The following LAMA3 variants were observed in gnomAD, a reference collection of about 807,000 sequenced individuals.
LAMA3 encodes the protein laminin subunit alpha 3.
LAMA3 carries 281 observed loss-of-function variants against 402.0 expected under a neutral mutation model. The ratio of observed to expected loss-of-function variants is 0.70; its 90% CI spans 0.63 to 0.77. LAMA3 has a LOEUF of 0.77. Ranked by LOEUF, LAMA3 falls within the 30% of genes least tolerant of loss-of-function variation. The pLI, the probability that LAMA3 is intolerant of heterozygous loss-of-function variation, is 0.00. For missense variants in LAMA3, 3,840 were observed against 4,215.5 expected (o/e 0.91, Z 2.47); for synonymous variants, 1,431 against 1,558.4 (o/e 0.92, Z 1.93).
At position 23,769,088 on chromosome 18, in the gene LAMA3, C is replaced by T. The variant is rs58906350; in HGVS notation, c.1183-4409C>T. On this transcript the variant is annotated intron_variant, in intron 8 of 74. Transcript: ENST00000313654. The stretch of plus-strand genomic sequence containing the variant: ...ATCAATCATACACCAAAGCTGAGCG[C>T]CATGCAATATATCCAGCTAACAAAT... Among the ~76,000 whole-genome samples, 577 of 152,260 alleles carry T rather than the reference C, an allele frequency of 3.8e-3. 3 individuals carry two copies. The highest frequency in any genetic ancestry group is 0.013 in the African/African-American group (548 of 41,546).
At chr18:23,702,231 T>C (rs748381715) in intron 1 of LAMA3, among the ~76,000 whole-genome samples, 14 of 151,978 alleles carry the variant, frequency 9.2e-5, no homozygotes, top group Non-Finnish European at 1.6e-4. Context: ...AGAGTAAATA[T>C]AGTGAAATAT....
chr18:23,832,831 A>G (rs1342087834), intron 23 of LAMA3, among the ~76,000 whole-genome samples: 2 of 152,236 alleles, frequency 1.3e-5, no homozygotes, highest in African/African-American at 4.8e-5. Flanking sequence ...TTTTTGCAAT[A>G]AAGACATGTA....
chr18:23,865,649 G>C (rs151166473), intron 36 of LAMA3, among the ~76,000 whole-genome samples: 1,581 of 152,256 alleles, frequency 0.01, 15 homozygotes, highest in South Asian at 0.068. Flanking sequence ...TCTCAGTGCT[G>C]GGGTCTGGGT....
intron 12 of LAMA3, chr18:23,796,077 C>T (rs757744981): frequency 6.7e-6 from 3 of 446,858 alleles, no homozygotes; most frequent in South Asian, 1.6e-5. Flanking sequence ...TCAGCAGAAA[C>T]TGAACCAGCC....
chr18:23,781,076 C>T (rs553090964), intron 11 of LAMA3, among the ~76,000 whole-genome samples: 8 of 152,270 alleles, frequency 5.3e-5, no homozygotes, highest in Middle Eastern at 3.4e-3. Context: ...ACTGTGACTT[C>T]GTAATGAGGT....
At chr18:23,806,700 C>G (rs1261416909) in intron 12 of LAMA3, among the ~76,000 whole-genome samples, 2 of 152,226 alleles carry the variant, frequency 1.3e-5, no homozygotes, top group Non-Finnish European at 2.9e-5. Context: ...ACAGCAGATA[C>G]TCTGCAAGGT....
intron 36 of LAMA3, among the ~76,000 whole-genome samples, chr18:23,865,858 T>C (rs1308696359): frequency 6.6e-6 from 1 of 152,186 alleles, no homozygotes; most frequent in Non-Finnish European, 1.5e-5. Context: ...ATCATCAGTG[T>C]GTGCAGAGTC....
chr18:23,713,789 C>A, intron 1 of LAMA3, 131 bp from the exon 2 acceptor site: 1 of 766,280 alleles, frequency 1.3e-6, no homozygotes, highest in Non-Finnish European at 2.1e-6. Flanking sequence ...ATTTTAACAG[C>A]TGACTTCTCT....
chr18:23,862,923 A>G (rs1480300553), intron 35 of LAMA3, among the ~76,000 whole-genome samples: 2 of 151,192 alleles, frequency 1.3e-5, no homozygotes, highest in Admixed American at 6.6e-5. Flanking sequence ...GAGACCCTCC[A>G]TAGGCTACCT....
chr18:23,902,599 C>T (rs1009953340), intron 48 of LAMA3, among the ~76,000 whole-genome samples: 1 of 152,194 alleles, frequency 6.6e-6, no homozygotes, highest in African/African-American at 2.4e-5. Context: ...GCCTTCCAGC[C>T]TGGCATTCTC....
At chr18:23,954,217 C>T (rs1196260410) in intron 74 of LAMA3, among the ~76,000 whole-genome samples, 5 of 151,924 alleles carry the variant, frequency 3.3e-5, no homozygotes, top group Non-Finnish European at 7.4e-5. Flanking sequence ...GCCTGGGCAA[C>T]ATAGTGAGAC....
At chr18:23,917,358 C>T (rs560653806) in intron 60 of LAMA3, among the ~76,000 whole-genome samples, 20 of 152,206 alleles carry the variant, frequency 1.3e-4, no homozygotes, top group African/African-American at 2.9e-4. Context: ...TATGGTAGAA[C>T]GATTTATATT....
rs2288592 is a variant in LAMA3 at position 23,946,123 on chromosome 18, C to T, written c.9211-21C>T. ...TTGTCAAAGGTAAAAATACAACTCA[C>T]GTATCTTTCTTACTCTGAAGGTGGT... On this transcript the variant is annotated intron_variant, in intron 69 of 74. Transcript: ENST00000313654. 983,958 of 1,607,248 alleles carry T rather than the reference C, an allele frequency of 0.61. 317,497 individuals carry two copies. The highest frequency in any genetic ancestry group is 0.67 in the Non-Finnish European group (792,309 of 1,174,032).
Position 23,953,036 on chromosome 18 carries a change from T to C in LAMA3, c.9783T>C (p.Ser3261=), listed in dbSNP as rs931958227. ...TGCACCTGGAACTGGACACAGACAG[T>C]AGCTACACAGCTGGACAGATCCCCT... ...HILHLELDTD[S]SYTAGQIPFP... The change falls in exon 74 of 75, where the codon AGT becomes AGC. Residue 3261 remains serine, a synonymous_variant. Coordinates refer to ENST00000313654, the MANE Select transcript of LAMA3 (RefSeq NM_198129.4). 1.2e-6 allele frequency: 2 copies of C among 1,614,106 alleles called. No individual in the cohort carries two copies. The highest frequency in any genetic ancestry group is 1.7e-6 in the Non-Finnish European group (2 of 1,179,974).
At chr18:23,799,622 G>A (rs1385704034) in intron 12 of LAMA3, among the ~76,000 whole-genome samples, 3 of 152,178 alleles carry the variant, frequency 2.0e-5, no homozygotes, top group Admixed American at 6.5e-5. Context: ...CCTAATGCCC[G>A]CATGGATGTT....
chr18:23,919,748 C>G (rs940615427), intron 60 of LAMA3, among the ~76,000 whole-genome samples: 2 of 151,890 alleles, frequency 1.3e-5, no homozygotes, highest in Admixed American at 1.3e-4. Flanking sequence ...AGAGGCAGTG[C>G]TGAGAGAGAG....
chr18:23,887,560 T>C (rs1034335720), intron 41 of LAMA3, among the ~76,000 whole-genome samples: 2 of 152,238 alleles, frequency 1.3e-5, no homozygotes, highest in African/African-American at 4.8e-5. Context: ...TTTTGAAGCT[T>C]TTTCATGGAT....
In LAMA3 at chr18:23,742,686, C is replaced by CA. The variant is rs201372766; in HGVS notation, c.448-5251dup. ...TGTGTGTGTGTGTGTGTGTAGAGAACAAAAAATATGGTATATTGTTAATAG... is the reference window on the plus strand; with the variant it reads ...TGTGTGTGTGTGTGTGTGTAGAGAACAAAAAAATATGGTATATTGTTAATAG... On this transcript the variant is annotated intron_variant, in intron 2 of 74. Transcript: ENST00000313654. Among the ~76,000 whole-genome samples, 20 of 148,088 alleles carry CA rather than the reference C, an allele frequency of 1.4e-4. No homozygotes were observed. In the South Asian group the frequency reaches 4.1e-3, roughly 30 times the overall value.
chr18:23,934,341 A>T (rs1394568248), intron 67 of LAMA3, among the ~76,000 whole-genome samples: 1 of 152,102 alleles, frequency 6.6e-6, no homozygotes, highest in African/African-American at 2.4e-5. Flanking sequence ...TGTACCCTTG[A>T]CTACAGACTA....
Sources: gnomAD v4.1 joint callset for allele counts (sites outside exome capture counted in the v4.1 genomes callset) on GRCh38, gnomAD v4.1.1 for gene constraint, MANE v1.5 for transcripts, NCBI Gene and HGNC (gene_info 2026-07-23, HGNC 2026-07-21) for gene names.